The following CCBE1 variants were observed in gnomAD, a reference collection of about 807,000 sequenced individuals.
CCBE1 encodes the protein collagen and calcium-binding EGF domain-containing protein 1.
Under a neutral mutation model 50.0 loss-of-function variants are expected in CCBE1, and 37 were observed. The observed-to-expected ratio is 0.74, with a 90% CI of 0.57 to 0.97. CCBE1 has a LOEUF of 0.97. Among genes scored for constraint, CCBE1 ranks in the 50% least tolerant of loss-of-function variants. The probability of loss-of-function intolerance (pLI) is 0.00; values close to 1 mark genes in which losing one functional copy is unlikely to be tolerated. For synonymous variants in CCBE1, 234 were observed against 203.7 expected (o/e 1.15, Z -1.27); for missense variants, 538 against 523.8 (o/e 1.03, Z -0.26).
At chr18:59,666,751 G>A (rs1355217556) in intron 2 of CCBE1, among the ~76,000 whole-genome samples, 1 of 152,126 alleles carries the variant, frequency 6.6e-6, no homozygotes, top group Non-Finnish European at 1.5e-5. Context: ...TGGATCATGA[G>A]GTCAGGGGAT....
Position 59,516,385 on chromosome 18 carries a change from C to T in CCBE1, c.213-36147G>A, listed in dbSNP as rs568838907. Among the ~76,000 whole-genome samples, 10 of 152,228 alleles carry T rather than the reference C, an allele frequency of 6.6e-5. No individual in the cohort carries two copies. In the East Asian group the frequency reaches 1.4e-3, roughly 21 times the overall value. Reference sequence around the variant, plus strand: ...TCCTTGCTAGGAATGCAAGTATCTGCAACTTTTCATTAAGGCTGGGGGATA... The same window carrying T: ...TCCTTGCTAGGAATGCAAGTATCTGTAACTTTTCATTAAGGCTGGGGGATA... On this transcript the variant is annotated intron_variant, in intron 2 of 10. Transcript: ENST00000439986.
At chr18:59,461,817 C>T (rs147891392) in intron 5 of CCBE1, among the ~76,000 whole-genome samples, 126 of 147,968 alleles carry the variant, frequency 8.5e-4, no homozygotes, top group African/African-American at 2.9e-3. Flanking sequence ...ACTGCAACCT[C>T]AGCCTCCTGG....
chr18:59,598,801 T>C (rs1415123517), intron 2 of CCBE1, among the ~76,000 whole-genome samples: 1 of 152,166 alleles, frequency 6.6e-6, no homozygotes, highest in African/African-American at 2.4e-5. Context: ...CATGATCTTT[T>C]TGAAAACCCT....
At chr18:59,510,674 G>A (rs939333772) in intron 2 of CCBE1, among the ~76,000 whole-genome samples, 29 of 152,158 alleles carry the variant, frequency 1.9e-4, no homozygotes, top group Admixed American at 1.8e-3. Flanking sequence ...CACCTGCCTC[G>A]GCCTCCCAAA....
chr18:59,514,650 A>AAG lies in CCBE1; in HGVS notation c.213-34413_213-34412insCT, dbSNP rs200336529. ...TTTTTTTCTTTCCTTTCCTTGAAAAAAAAAAAAAAAAGGAGGCTACAATTC... is the reference window on the plus strand; with the variant it reads ...TTTTTTTCTTTCCTTTCCTTGAAAAAAGAAAAAAAAAAAGGAGGCTACAATTC... On this transcript the variant is annotated intron_variant, in intron 2 of 10. Coordinates refer to ENST00000439986, the MANE Select transcript of CCBE1 (RefSeq NM_133459.4). 6.0e-3 allele frequency among the ~76,000 whole-genome samples: 911 copies of AAG among 150,972 alleles called. 9 individuals are homozygous for AAG. Among genetic ancestry groups the AAG allele is most frequent in the Admixed American group, 0.014 (209 of 15,140 alleles).
intron 2 of CCBE1, among the ~76,000 whole-genome samples, chr18:59,660,724 CGT>C (rs111670848): frequency 0.41 from 62,602 of 151,566 alleles, 14,125 homozygotes; most frequent in African/African-American, 0.61. Flanking sequence ...AAGCCCAACA[CGT>C]ATTTTTTTTA....
intron 2 of CCBE1, among the ~76,000 whole-genome samples, chr18:59,566,151 T>A (rs76321231): frequency 6.6e-6 from 1 of 152,296 alleles, no homozygotes; most frequent in South Asian, 2.1e-4. Flanking sequence ...AGGCAGCAGG[T>A]CAGGAAATCA....
intron 5 of CCBE1, 55 bp downstream of exon 5, chr18:59,466,684 T>C: frequency 7.8e-7 from 1 of 1,275,818 alleles, no homozygotes; most frequent in Admixed American, 1.8e-5. Flanking sequence ...ACTGGTTATA[T>C]ATATAATATA....
chr18:59,625,430 CAAAAA>C (rs750324482), intron 2 of CCBE1, among the ~76,000 whole-genome samples: 1 of 69,920 alleles, frequency 1.4e-5, no homozygotes, highest in South Asian at 4.7e-4. Flanking sequence ...GATTCTGTCT[CAAAAA>C]AAAAAAAAAA....
intron 2 of CCBE1, among the ~76,000 whole-genome samples, chr18:59,504,521 C>T (rs1341039827): frequency 6.6e-6 from 1 of 151,900 alleles, no homozygotes; most frequent in Non-Finnish European, 1.5e-5. Context: ...AGGATAGATG[C>T]TAAATCCACT....
At chr18:59,614,167 C>T (rs543685680) in intron 2 of CCBE1, among the ~76,000 whole-genome samples, 27 of 152,122 alleles carry the variant, frequency 1.8e-4, no homozygotes, top group South Asian at 4.2e-4. Flanking sequence ...CGCCATGCCC[C>T]GCTAATTTTT....
chr18:59,564,216 C>A (rs992093727), intron 2 of CCBE1, among the ~76,000 whole-genome samples: 2 of 152,312 alleles, frequency 1.3e-5, no homozygotes, highest in East Asian at 1.9e-4. Flanking sequence ...TACAAAGTTA[C>A]ACAAAATTCA....
At chr18:59,552,453 A>G (rs879715988) in intron 2 of CCBE1, among the ~76,000 whole-genome samples, 2 of 152,188 alleles carry the variant, frequency 1.3e-5, no homozygotes, top group Admixed American at 1.3e-4. Context: ...TCAAGATTAT[A>G]TGTCTTAACA....
intron 2 of CCBE1, among the ~76,000 whole-genome samples, chr18:59,498,395 C>T (rs971408893): frequency 5.9e-5 from 9 of 152,272 alleles, no homozygotes; most frequent in East Asian, 1.9e-4. Context: ...ATTTCTGTTT[C>T]GCAGACAGAA....
chr18:59,682,871 A>C (rs2054609605), intron 2 of CCBE1, among the ~76,000 whole-genome samples: 1 of 152,262 alleles, frequency 6.6e-6, no homozygotes, highest in East Asian at 1.9e-4. Context: ...ATCATAAACA[A>C]GGTAAATAAA....
chr18:59,488,693 C>A (rs922813546), intron 2 of CCBE1, among the ~76,000 whole-genome samples: 3 of 152,172 alleles, frequency 2.0e-5, no homozygotes, highest in Non-Finnish European at 4.4e-5. Flanking sequence ...CCTTAGATAA[C>A]TGACATTAAG....
chr18:59,496,952 T>C (rs1369677632), intron 2 of CCBE1, among the ~76,000 whole-genome samples: 2 of 152,246 alleles, frequency 1.3e-5, no homozygotes, highest in African/African-American at 4.8e-5. Context: ...TACCACTTGC[T>C]CATTTTGATG....
chr18:59,480,111 G>T, intron 3 of CCBE1, 75 bp downstream of exon 3: 1 of 969,490 alleles, frequency 1.0e-6, no homozygotes, highest in East Asian at 2.4e-5. Flanking sequence ...TATATTCCAT[G>T]AACATCTGAA....
At chr18:59,522,849 G>A (rs1171957960) in intron 2 of CCBE1, among the ~76,000 whole-genome samples, 13 of 151,778 alleles carry the variant, frequency 8.6e-5, no homozygotes, top group Non-Finnish European at 1.3e-4. Context: ...AAAATTAGCC[G>A]GGCGTGGTGG....
Sources: allele counts gnomAD v4.1 joint callset (sites outside exome capture counted in the v4.1 genomes callset), GRCh38; gene constraint gnomAD v4.1.1; transcripts MANE v1.5; gene names NCBI Gene and HGNC (gene_info 2026-07-23, HGNC 2026-07-21).